IMMP2L: variants seen among roughly 807,000 people sequenced by gnomAD.
The protein encoded by IMMP2L is inner mitochondrial membrane peptidase subunit 2.
Under a neutral mutation model 19.3 loss-of-function variants are expected in IMMP2L, and 18 were observed. That is an observed-to-expected ratio of 0.93 (90% CI 0.64 to 1.38). IMMP2L has a LOEUF of 1.38. Ranked by LOEUF, IMMP2L falls within the 40% of genes most tolerant of loss-of-function variation. The pLI, the probability that IMMP2L is intolerant of heterozygous loss-of-function variation, is 0.00. For missense variants in IMMP2L, 233 were observed against 218.2 expected, an observed-to-expected ratio of 1.07 and a Z score of -0.43; for synonymous variants, 76 against 73.0, an observed-to-expected ratio of 1.04 and a Z score of -0.21.
chr7:111,124,034 C>T, intron 3 of IMMP2L: 1 of 1,614,042 alleles, frequency 6.2e-7, no homozygotes, highest in Non-Finnish European at 8.5e-7. Context: ...ATTTGTCTCC[C>T]TCTTATAGCT....
chr7:110,976,320 T>C (rs1820695015), intron 3 of IMMP2L, among the ~76,000 whole-genome samples: 1 of 152,026 alleles, frequency 6.6e-6, no homozygotes, highest in Non-Finnish European at 1.5e-5. Flanking sequence ...CTATTTAGTA[T>C]TTCATAAAAG....
intron 3 of IMMP2L, among the ~76,000 whole-genome samples, chr7:111,479,323 T>C (rs1393807811): frequency 6.6e-6 from 1 of 152,144 alleles, no homozygotes; most frequent in Non-Finnish European, 1.5e-5. Flanking sequence ...CCTTTAGATA[T>C]ATATATTTTT....
chr7:111,480,703 C>G (rs1842110615), intron 3 of IMMP2L, among the ~76,000 whole-genome samples: 1 of 149,872 alleles, frequency 6.7e-6, no homozygotes. Flanking sequence ...CCTAAATGTA[C>G]TACATTAACT....
chr7:110,779,393 C>G (rs191204006), intron 5 of IMMP2L, among the ~76,000 whole-genome samples: 212 of 151,964 alleles, frequency 1.4e-3, no homozygotes, highest in African/African-American at 4.9e-3. Flanking sequence ...CCAATGGAGG[C>G]AAAGCAAATT....
intron 3 of IMMP2L, among the ~76,000 whole-genome samples, chr7:111,160,165 A>G (rs540919778): frequency 4.7e-4 from 71 of 152,236 alleles, no homozygotes; most frequent in African/African-American, 1.7e-3. Context: ...AATATATCCA[A>G]AAAAATGCAA....
chr7:111,003,227 G>C (rs1464810295), intron 3 of IMMP2L, among the ~76,000 whole-genome samples: 3 of 152,050 alleles, frequency 2.0e-5, no homozygotes, highest in African/African-American at 7.2e-5. Flanking sequence ...TTTCTTAACT[G>C]TTAAGTGGAG....
At chr7:110,873,015 T>C (rs556551732) in intron 5 of IMMP2L, among the ~76,000 whole-genome samples, 1 of 152,338 alleles carries the variant, frequency 6.6e-6, no homozygotes, top group South Asian at 2.1e-4. Context: ...GTGAAGTGAC[T>C]TGTGATATTT....
intron 5 of IMMP2L, among the ~76,000 whole-genome samples, chr7:110,838,357 G>C (rs1804715312): frequency 6.6e-6 from 1 of 152,074 alleles, no homozygotes; most frequent in Non-Finnish European, 1.5e-5. Flanking sequence ...TTCTTGTGAT[G>C]TGTGCACTCT....
At chr7:111,174,534 G>A (rs1193739091) in intron 3 of IMMP2L, among the ~76,000 whole-genome samples, 1 of 151,598 alleles carries the variant, frequency 6.6e-6, no homozygotes, top group South Asian at 2.1e-4. Flanking sequence ...AGTGGTTACG[G>A]GAAATATACA....
chr7:110,868,263 C>A (rs1014684045), intron 5 of IMMP2L, among the ~76,000 whole-genome samples: 1 of 151,854 alleles, frequency 6.6e-6, no homozygotes, highest in African/African-American at 2.4e-5. Context: ...CTAAGGATTT[C>A]TTCGTTTTTC....
At chr7:111,433,081 G>C (rs1836799702) in intron 3 of IMMP2L, among the ~76,000 whole-genome samples, 1 of 151,746 alleles carries the variant, frequency 6.6e-6, no homozygotes, top group African/African-American at 2.4e-5. Flanking sequence ...ATAAAGAAAA[G>C]AGGTTCAATT....
intron 5 of IMMP2L, among the ~76,000 whole-genome samples, chr7:110,753,514 A>G (rs1350894560): frequency 6.6e-6 from 1 of 152,068 alleles, no homozygotes; most frequent in Non-Finnish European, 1.5e-5. Context: ...CTCACATTTC[A>G]ATGAAATGCT....
At chr7:111,520,949 G>A (rs1049176280) in intron 2 of IMMP2L, among the ~76,000 whole-genome samples, 2 of 152,062 alleles carry the variant, frequency 1.3e-5, no homozygotes, top group African/African-American at 2.4e-5. Context: ...AACTGATTGT[G>A]ACTCAAACCC....
intron 1 of IMMP2L, among the ~76,000 whole-genome samples, chr7:111,539,216 AAG>A (rs1185128334): frequency 2.0e-5 from 2 of 100,920 alleles, no homozygotes; most frequent in South Asian, 6.9e-4. Context: ...GAAAGAAAGA[AAG>A]AAAGAAAGAA....
chr7:111,370,907 C>G (rs898287131), intron 3 of IMMP2L, among the ~76,000 whole-genome samples: 1 of 151,842 alleles, frequency 6.6e-6, no homozygotes, highest in Non-Finnish European at 1.5e-5. Flanking sequence ...TCAGACATTC[C>G]ACTTCCATAC....
intron 5 of IMMP2L, among the ~76,000 whole-genome samples, chr7:110,731,394 C>A (rs1229127647): frequency 6.6e-6 from 1 of 152,046 alleles, no homozygotes; most frequent in East Asian, 1.9e-4. Flanking sequence ...GCTCTGAGTA[C>A]CTTGCTAACA....
intron 3 of IMMP2L, among the ~76,000 whole-genome samples, chr7:111,429,889 G>C (rs1159957730): frequency 1.3e-5 from 2 of 151,340 alleles, no homozygotes; most frequent in Admixed American, 1.3e-4. Flanking sequence ...CAAAATCAGA[G>C]ATGGAAAAGG....
intron 3 of IMMP2L, among the ~76,000 whole-genome samples, chr7:111,230,653 T>C (rs1163197233): frequency 2.0e-5 from 3 of 152,056 alleles, no homozygotes; most frequent in Admixed American, 6.6e-5. Context: ...CAAATATTTA[T>C]TGACTACCAT....
chr7:111,017,908 T>A (rs970525819), intron 3 of IMMP2L, among the ~76,000 whole-genome samples: 2 of 152,196 alleles, frequency 1.3e-5, no homozygotes, highest in Admixed American at 6.5e-5. Context: ...TCATTTTGAA[T>A]TATATACATA....
Sources: allele counts gnomAD v4.1 joint callset (sites outside exome capture counted in the v4.1 genomes callset), GRCh38; gene constraint gnomAD v4.1.1; transcripts MANE v1.5; gene names NCBI Gene and HGNC (gene_info 2026-07-23, HGNC 2026-07-21).